The following ABCC8 variants were observed in gnomAD, a reference collection of about 807,000 sequenced individuals.
ABCC8 encodes ATP binding cassette subfamily C member 8, also known as ATP-binding cassette sub-family C member 8.
A neutral mutation model predicts 188.0 loss-of-function variants in ABCC8; 137 were observed. That is an observed-to-expected ratio of 0.73 (90% CI 0.63 to 0.84). The LOEUF (loss-of-function observed/expected upper bound fraction) is 0.84, where lower values mean the gene tolerates loss of function less well. Ranked by LOEUF, ABCC8 falls within the 40% of genes least tolerant of loss-of-function variation. The probability of loss-of-function intolerance (pLI) is 0.00; values close to 1 mark genes in which losing one functional copy is unlikely to be tolerated. For synonymous variants in ABCC8, 797 were observed against 846.5 expected, an observed-to-expected ratio of 0.94 and a Z score of 1.01; for missense variants, 1,750 against 2,072.7, an observed-to-expected ratio of 0.84 and a Z score of 3.02.
At chr11:17,437,642 C>A (rs11024287) in intron 10 of ABCC8, among the ~76,000 whole-genome samples, 1,879 of 152,326 alleles carry the variant, frequency 0.012, 33 homozygotes, top group African/African-American at 0.044. Context: ...TTGCTGGCAG[C>A]TGAGGAAGTG....
At chr11:17,421,553 TTC>T (rs1955344025) in intron 16 of ABCC8, among the ~76,000 whole-genome samples, 2 of 152,154 alleles carry the variant, frequency 1.3e-5, no homozygotes, top group South Asian at 4.1e-4. Context: ...ACAAGAATCT[TTC>T]CCAGGAGACA....
chr11:17,452,237 C>T (rs1318404869), intron 7 of ABCC8, among the ~76,000 whole-genome samples: 1 of 152,168 alleles, frequency 6.6e-6, no homozygotes, highest in Non-Finnish European at 1.5e-5. Context: ...TTTCCAGAAA[C>T]TCTAAGAAGG....
intron 16 of ABCC8, among the ~76,000 whole-genome samples, chr11:17,420,243 T>C (rs1217646377): frequency 6.6e-6 from 1 of 152,212 alleles, no homozygotes; most frequent in African/African-American, 2.4e-5. Flanking sequence ...TCCTTTCCAA[T>C]TGATGTCATT....
At chr11:17,398,066 G>A (rs954965730) in intron 30 of ABCC8, among the ~76,000 whole-genome samples, 1 of 152,140 alleles carries the variant, frequency 6.6e-6, no homozygotes, top group Non-Finnish European at 1.5e-5. Context: ...CACACACAAT[G>A]TGGGTGTCAT....
chr11:17,468,187 T>C (rs1482406728), intron 3 of ABCC8, among the ~76,000 whole-genome samples: 2 of 152,184 alleles, frequency 1.3e-5, no homozygotes, highest in South Asian at 2.1e-4. Context: ...ATAATCCTAA[T>C]GGAGCTCAGA....
chr11:17,435,654 G>A (rs1261956377), intron 10 of ABCC8: 2 of 1,408,106 alleles, frequency 1.4e-6, no homozygotes, highest in Non-Finnish European at 2.0e-6. Flanking sequence ...GGAAGATGAT[G>A]CTGGGAACCT....
intron 22 of ABCC8, 175 bp from the exon 23 acceptor site, chr11:17,408,692 C>T (rs778114883): frequency 1.3e-5 from 7 of 536,310 alleles, no homozygotes; most frequent in Non-Finnish European, 1.7e-5. Flanking sequence ...AACCAACATA[C>T]TCCTAGGACC....
chr11:17,436,285 A>C, intron 10 of ABCC8: 1 of 408,564 alleles, frequency 2.4e-6, no homozygotes, highest in Non-Finnish European at 4.6e-6. Flanking sequence ...GGACCTGGGA[A>C]GTCTGGGGTT....
intron 1 of ABCC8, among the ~76,000 whole-genome samples, chr11:17,476,282 G>T (rs763742319): frequency 6.6e-6 from 1 of 152,212 alleles, no homozygotes. Context: ...GCTGCGCCAC[G>T]GAGGGTGAGG....
chr11:17,428,922 A>G (rs1311690687), intron 12 of ABCC8: 1 of 604,288 alleles, frequency 1.7e-6, no homozygotes, highest in Non-Finnish European at 2.9e-6. Flanking sequence ...TTTTAGGGTT[A>G]ATGTTGAAGT....
intron 22 of ABCC8, 53 bp from the exon 23 acceptor site, chr11:17,408,570 G>T: frequency 6.3e-7 from 1 of 1,584,940 alleles, no homozygotes; most frequent in Non-Finnish European, 8.5e-7. Context: ...AGGAATGGTG[G>T]TCACATCCCT....
At chr11:17,458,175 G>A (rs1171256816) in intron 6 of ABCC8, among the ~76,000 whole-genome samples, 2 of 152,104 alleles carry the variant, frequency 1.3e-5, no homozygotes, top group African/African-American at 2.4e-5. Context: ...TTTCTGTGTC[G>A]GAAATTTTCT....
At chr11:17,397,903 C>T in intron 30 of ABCC8, 106 bp from the exon 31 acceptor site, 1 of 1,534,716 alleles carries the variant, frequency 6.5e-7, no homozygotes, top group Non-Finnish European at 8.7e-7. Context: ...CAGGCCTCCA[C>T]TCCAGCCCTG....
intron 16 of ABCC8, among the ~76,000 whole-genome samples, chr11:17,418,202 A>G (rs560734619): frequency 7.2e-5 from 11 of 152,162 alleles, no homozygotes; most frequent in Non-Finnish European, 1.5e-4. Context: ...AGCGGAGAAA[A>G]TAGCTCCGAC....
At chr11:17,397,651 A>AC in intron 31 of ABCC8, 33 bp downstream of exon 31, 2 of 1,603,912 alleles carry the variant, frequency 1.2e-6, no homozygotes, top group African/African-American at 1.3e-5. Flanking sequence ...CTGGTGTCTG[A>AC]CCCCTCCTCT....
chr11:17,398,461 C>T lies in ABCC8; in HGVS notation c.3651-20G>A. The T allele has an allele frequency of 6.2e-7, 1 of 1,613,698 alleles. No individual in the cohort carries two copies. The highest frequency in any genetic ancestry group is 8.5e-7 in the Non-Finnish European group (1 of 1,179,826). On this transcript the variant is annotated intron_variant, in intron 29 of 38. Transcript: ENST00000389817. ...TCATACCTGGAGGGAGGATGAGAAG[C>T]TCCTAAGGGAACAGTGTTGGTCCAC...
chr11:17,396,213 G>C (rs781073522), intron 33 of ABCC8: 9 of 590,092 alleles, frequency 1.5e-5, no homozygotes, highest in South Asian at 3.9e-5. Context: ...CTGAAGGAGA[G>C]CTGGGGGGCA....
chr11:17,470,835 C>T (rs1848439757), intron 2 of ABCC8, among the ~76,000 whole-genome samples: 1 of 152,174 alleles, frequency 6.6e-6, no homozygotes. Flanking sequence ...TCACAGAGGC[C>T]TCTAAGTGGG....
chr11:17,470,643 C>T (rs539371609), intron 2 of ABCC8, among the ~76,000 whole-genome samples: 6 of 152,266 alleles, frequency 3.9e-5, no homozygotes, highest in East Asian at 1.9e-4. Context: ...TCTAAGCATG[C>T]GATATATGTT....
Sources: gnomAD v4.1 joint callset for allele counts (sites outside exome capture counted in the v4.1 genomes callset) on GRCh38, gnomAD v4.1.1 for gene constraint, MANE v1.5 for transcripts, NCBI Gene and HGNC (gene_info 2026-07-23, HGNC 2026-07-21) for gene names.